Variants in C1GALT1 observed in about 807,000 individuals in gnomAD.
C1GALT1 encodes glycoprotein-N-acetylgalactosamine 3-beta-galactosyltransferase 1.
C1GALT1 carries 11 observed loss-of-function variants against 31.0 expected under a neutral mutation model. That is an observed-to-expected ratio of 0.36 (90% confidence interval 0.22 to 0.59). The LOEUF is 0.59. C1GALT1 is among the 20% of genes least tolerant of loss of function. C1GALT1 has a pLI of 0.79. For synonymous variants in C1GALT1, 175 were observed against 143.6 expected, an observed-to-expected ratio of 1.22 and a Z score of -1.56; for missense variants, 424 against 425.2, an observed-to-expected ratio of 1.00 and a Z score of 0.03.
chr7:7,192,038 T>A (rs751099325), intron 1 of C1GALT1, among the ~76,000 whole-genome samples: 1 of 152,122 alleles, frequency 6.6e-6, no homozygotes. Flanking sequence ...CAAGAAATCA[T>A]TGCCAAATAT....
At chr7:7,165,194 G>A (rs1424984499) in intron 2 of C1GALT1, among the ~76,000 whole-genome samples, 1 of 152,154 alleles carries the variant, frequency 6.6e-6, no homozygotes, top group Non-Finnish European at 1.5e-5. Flanking sequence ...GGCAGGTTAG[G>A]AAGGAGCTCA....
intron 2 of C1GALT1, among the ~76,000 whole-genome samples, chr7:7,168,259 T>G (rs1225973984): frequency 6.6e-6 from 1 of 152,154 alleles, no homozygotes; most frequent in Non-Finnish European, 1.5e-5. Context: ...GGGGCTGGTC[T>G]CCAAAGCAGA....
chr7:7,185,332 TTAAA>T (rs1780767137), intron 1 of C1GALT1, among the ~76,000 whole-genome samples: 1 of 152,210 alleles, frequency 6.6e-6, no homozygotes, highest in Non-Finnish European at 1.5e-5. Context: ...GAATTTGAAA[TTAAA>T]TACAGCTTGG....
At chr7:7,190,961 TC>T (rs1781046832) in intron 1 of C1GALT1, among the ~76,000 whole-genome samples, 1 of 152,062 alleles carries the variant, frequency 6.6e-6, no homozygotes, top group African/African-American at 2.4e-5. Flanking sequence ...CCTTTTTTTT[TC>T]CAAACTTTTT....
intron 1 of C1GALT1, among the ~76,000 whole-genome samples, chr7:7,192,983 C>G (rs562226535): frequency 6.6e-6 from 1 of 152,104 alleles, no homozygotes; most frequent in Admixed American, 6.5e-5. Flanking sequence ...ATGTCCTTAG[C>G]CCACTTTTTG....
chr7:7,188,821 TAAGTG>T (rs1200079561), intron 1 of C1GALT1, among the ~76,000 whole-genome samples: 2 of 152,164 alleles, frequency 1.3e-5, no homozygotes, highest in African/African-American at 2.4e-5. Context: ...ATGGATAAAA[TAAGTG>T]AAGGGGTAAA....
intron 1 of C1GALT1, among the ~76,000 whole-genome samples, chr7:7,187,448 C>T (rs1250781110): frequency 5.3e-5 from 8 of 151,564 alleles, no homozygotes; most frequent in Admixed American, 5.3e-4. Context: ...TTAGTAGAGA[C>T]AGGGGAGATC....
At chr7:7,220,948 C>G (rs1438573085) in intron 1 of C1GALT1, among the ~76,000 whole-genome samples, 1 of 152,050 alleles carries the variant, frequency 6.6e-6, no homozygotes, top group South Asian at 2.1e-4. Flanking sequence ...AGTCCAGAAC[C>G]ACTTACTTTC....
At chr7:7,190,531 A>AT (rs1478344368) in intron 1 of C1GALT1, among the ~76,000 whole-genome samples, 1 of 152,126 alleles carries the variant, frequency 6.6e-6, no homozygotes, top group Non-Finnish European at 1.5e-5. Context: ...TAACAAATGC[A>AT]TTTTTTTAAA....
intron 1 of C1GALT1, among the ~76,000 whole-genome samples, chr7:7,190,878 C>CT (rs1781042920): frequency 6.6e-6 from 1 of 152,064 alleles, no homozygotes; most frequent in Non-Finnish European, 1.5e-5. Context: ...TTTTTAAAAT[C>CT]TTCCTGTGTT....
intron 1 of C1GALT1, among the ~76,000 whole-genome samples, chr7:7,193,289 A>G (rs4415231): frequency 0.16 from 23,857 of 152,058 alleles, 2,177 homozygotes; most frequent in East Asian, 0.37. Flanking sequence ...TTCAGGTCTT[A>G]AAAGATTTAA....
At chr7:7,189,016 A>G (rs1042516566) in intron 1 of C1GALT1, among the ~76,000 whole-genome samples, 5 of 152,168 alleles carry the variant, frequency 3.3e-5, no homozygotes, top group African/African-American at 1.2e-4. Context: ...TCATTTGTTT[A>G]GGTTTGTTCC....
At chr7:7,161,141 GT>G (rs1780329313) in intron 2 of C1GALT1, among the ~76,000 whole-genome samples, 1 of 152,082 alleles carries the variant, frequency 6.6e-6, no homozygotes, top group African/African-American at 2.4e-5. Context: ...TAGTTTGCAA[GT>G]AAACTACTTG....
At chr7:7,193,149 G>C (rs1781146208) in intron 1 of C1GALT1, among the ~76,000 whole-genome samples, 1 of 152,030 alleles carries the variant, frequency 6.6e-6, no homozygotes, top group Admixed American at 6.6e-5. Flanking sequence ...AATCTTTTTA[G>C]TTTAATTAAG....
At chr7:7,221,077 G>T (rs567696266) in intron 1 of C1GALT1, among the ~76,000 whole-genome samples, 1 of 152,062 alleles carries the variant, frequency 6.6e-6, no homozygotes, top group South Asian at 2.1e-4. Flanking sequence ...TACTGTGCTG[G>T]GTATCATTGG....
intron 1 of C1GALT1, among the ~76,000 whole-genome samples, chr7:7,205,346 T>C (rs1266193255): frequency 6.6e-6 from 1 of 152,244 alleles, no homozygotes; most frequent in East Asian, 1.9e-4. Context: ...AAGCAGTTGA[T>C]TAACACATTT....
intron 1 of C1GALT1, among the ~76,000 whole-genome samples, chr7:7,218,610 A>G (rs1782358959): frequency 6.6e-6 from 1 of 152,154 alleles, no homozygotes; most frequent in African/African-American, 2.4e-5. Context: ...TGCCTCATAA[A>G]AAGAATCATA....
At position 7,162,802 on chromosome 7, in the gene C1GALT1, G is replaced by T. The variant is rs1461722201; in HGVS notation, c.-18+5376G>T. The stretch of plus-strand genomic sequence containing the variant: ...GTTGTTTCCTGACTTTTTAATGATT[G>T]CCATTCTAACTGGTGTGAGATGGTA... On this transcript the variant is annotated intron_variant, in intron 2 of 3. Transcript: ENST00000429911. Among the ~76,000 whole-genome samples the T allele has an allele frequency of 2.6e-5, 4 of 152,190 alleles. No homozygotes were observed. The South Asian group carries it at 8.3e-4, about 32-fold the overall frequency.
upstream of C1GALT1, among the ~76,000 whole-genome samples, chr7:7,182,351 G>C (rs740532): frequency 1.3e-5 from 2 of 152,076 alleles, no homozygotes; most frequent in South Asian, 4.1e-4. Context: ...GAGAGTAGCA[G>C]ACACAAGCCG....
Sources: allele counts gnomAD v4.1 joint callset (sites outside exome capture counted in the v4.1 genomes callset), GRCh38; gene constraint gnomAD v4.1.1; transcripts MANE v1.5; gene names NCBI Gene and HGNC (gene_info 2026-07-23, HGNC 2026-07-21).